ZFYVE28: variants seen among roughly 807,000 people sequenced by gnomAD.
ZFYVE28 encodes zinc finger FYVE-type containing 28, also known as lateral signaling target protein 2 homolog.
ZFYVE28 carries 40 observed loss-of-function variants against 82.1 expected under a neutral mutation model. The ratio of observed to expected loss-of-function variants is 0.49; its 90% CI spans 0.38 to 0.63. ZFYVE28 has a LOEUF of 0.63. Among genes scored for constraint, ZFYVE28 ranks in the 30% least tolerant of loss-of-function variants. The pLI, the probability that ZFYVE28 is intolerant of heterozygous loss-of-function variation, is 0.00. For synonymous variants in ZFYVE28, 612 were observed against 546.1 expected (o/e 1.12, Z -1.68); for missense variants, 1,321 against 1,242.1 (o/e 1.06, Z -0.96).
chr4:2,401,815 G>A (rs868362959), intron 1 of ZFYVE28, among the ~76,000 whole-genome samples: 15 of 152,156 alleles, frequency 9.9e-5, no homozygotes, highest in South Asian at 4.1e-4. Flanking sequence ...CAAAACCCTC[G>A]GGGGTCCCAG....
At chr4:2,290,138 C>T (rs1176898816) in intron 8 of ZFYVE28, among the ~76,000 whole-genome samples, 2 of 152,196 alleles carry the variant, frequency 1.3e-5, no homozygotes, top group African/African-American at 2.4e-5. Flanking sequence ...GCCTGTGCCC[C>T]AGGGGACTCA....
chr4:2,295,646 C>G (rs529867963), intron 8 of ZFYVE28: 1 of 153,060 alleles, frequency 6.5e-6, no homozygotes, highest in African/African-American at 2.4e-5. Context: ...CCCCTCTGCT[C>G]CTTCCCAGCA....
In ZFYVE28 at chr4:2,335,038, T is replaced by C. The variant is rs1578140612; in HGVS notation, c.701+667A>G. Among the ~76,000 whole-genome samples, 1 of 150,816 alleles carries C rather than the reference T, an allele frequency of 6.6e-6. No homozygotes were observed. Among genetic ancestry groups the C allele is most frequent in the East Asian group, 2.0e-4 (1 of 5,084 alleles). On this transcript the variant is annotated intron_variant, in intron 6 of 12. Transcript: ENST00000290974. This position sits in a 1 kb window ranked among gnomAD's most constrained non-coding sequence, Gnocchi z 5.8. ...AGACAGCTCAGAGACGCTAAGCAGG[T>C]GACCCCGCGCATCCTGCCTCGGTGG... is the stretch of plus-strand genomic sequence containing the variant.
At chr4:2,283,184 C>T (rs1032105928) in intron 8 of ZFYVE28, among the ~76,000 whole-genome samples, 2 of 150,720 alleles carry the variant, frequency 1.3e-5, no homozygotes, top group Non-Finnish European at 3.0e-5. Flanking sequence ...ATCCATTCAT[C>T]TACCCATCCA....
Position 2,337,429 on chromosome 4 carries a change from G to C in ZFYVE28, c.589C>G (p.Leu197Val), listed in dbSNP as rs1468354057. The C allele has an allele frequency of 6.2e-7, 1 of 1,609,476 alleles. No homozygotes were observed. Among genetic ancestry groups the C allele is most frequent in the Non-Finnish European group, 8.5e-7 (1 of 1,177,664 alleles). The stretch of plus-strand genomic sequence containing the variant: ...CACCTCTCCACCGTCTCGCAGAAGA[G>C]CACGATGACCTCCTGCTGCACGTAG... ...EYYVQQEVIV[L>V]FCETVERALD... The change falls in exon 5 of 13, where the codon CTC becomes GTC. Residue 197 changes from leucine to valine, a missense_variant. This residue lies in a region of ZFYVE28 where 343 missense variants were observed against 408.4 expected (regional missense o/e 0.84). Transcript: ENST00000290974.
At chr4:2,382,522 AT>A (rs1271223548) in intron 1 of ZFYVE28, among the ~76,000 whole-genome samples, 3 of 152,302 alleles carry the variant, frequency 2.0e-5, no homozygotes, top group African/African-American at 7.2e-5. Context: ...GTCCCGCTGG[AT>A]TTCGGACTTG....
intron 2 of ZFYVE28, among the ~76,000 whole-genome samples, chr4:2,346,670 T>C (rs1723649308): frequency 6.6e-6 from 1 of 152,174 alleles, no homozygotes; most frequent in South Asian, 2.1e-4. Flanking sequence ...AATTGTACAA[T>C]GTCATTTGAA....
rs1405976327 is a variant in ZFYVE28, at chr4:2,408,928, GT to G, written c.39+9356del. 6.6e-6 allele frequency among the ~76,000 whole-genome samples: 1 copy of G among 152,156 alleles called. No individual in the cohort carries two copies. The highest frequency in any genetic ancestry group is 1.5e-5 in the Non-Finnish European group (1 of 68,022). On this transcript the variant is annotated intron_variant, in intron 1 of 12. Transcript: ENST00000290974. The surrounding 1 kb of genome is among the most constrained non-coding windows in gnomAD (Gnocchi z 4.3). ...GACCTTCCCATGCACTCAGCTTTAG[GT>G]TTTAGTTTCCTCTTATTTCTGGCAC...
chr4:2,364,405 C>T, intron 1 of ZFYVE28: 3 of 980,702 alleles, frequency 3.1e-6, no homozygotes, highest in Non-Finnish European at 3.6e-6. Flanking sequence ...GCACAGCCCC[C>T]CACCTCTCCA....
Position 2,417,599 on chromosome 4 carries a change from G to T in ZFYVE28, c.39+686C>A, listed in dbSNP as rs1363885601. Among the ~76,000 whole-genome samples the T allele has an allele frequency of 6.6e-6, 1 of 152,104 alleles. No homozygotes were observed. The highest frequency in any genetic ancestry group is 2.4e-5 in the African/African-American group (1 of 41,450). ...CTGTCCCGGATTCCAGAGGACGTGG[G>T]TGGGGAAGGGACAAGGATAGGGACA... On this transcript the variant is annotated intron_variant, in intron 1 of 12. Coordinates refer to ENST00000290974, the MANE Select transcript of ZFYVE28 (RefSeq NM_020972.3). The surrounding 1 kb of genome is among the most constrained non-coding windows in gnomAD (Gnocchi z 4.8).
At chr4:2,375,783 G>A (rs1728067240) in intron 1 of ZFYVE28, among the ~76,000 whole-genome samples, 1 of 152,202 alleles carries the variant, frequency 6.6e-6, no homozygotes, top group African/African-American at 2.4e-5. Context: ...CATGTGGGGC[G>A]ATTGGAGCCC....
chr4:2,305,700 C>A (rs1366084152), intron 7 of ZFYVE28, among the ~76,000 whole-genome samples, 164 bp from the exon 8 acceptor site: 1 of 152,256 alleles, frequency 6.6e-6, no homozygotes, highest in Admixed American at 6.5e-5. Context: ...TCCTCCACCA[C>A]GGAACAAGGC....
chr4:2,368,224 A>C (rs887537697), intron 1 of ZFYVE28, among the ~76,000 whole-genome samples: 1 of 150,956 alleles, frequency 6.6e-6, no homozygotes, highest in Non-Finnish European at 1.5e-5. Flanking sequence ...AAAAAAAAAA[A>C]AAAAAACACT....
chr4:2,313,334 C>T (rs1717756737), intron 7 of ZFYVE28, among the ~76,000 whole-genome samples: 1 of 152,014 alleles, frequency 6.6e-6, no homozygotes, highest in African/African-American at 2.4e-5. Context: ...GACCTTAGCT[C>T]ATTGCAACTT....
chr4:2,324,531 T>A (rs1436067792), intron 6 of ZFYVE28: 2 of 184,958 alleles, frequency 1.1e-5, no homozygotes, highest in African/African-American at 2.4e-5. Flanking sequence ...GGTACTGAGG[T>A]AACATTCAAC....
chr4:2,302,792 C>T (rs188247370), intron 8 of ZFYVE28, among the ~76,000 whole-genome samples: 157 of 152,366 alleles, frequency 1.0e-3, no homozygotes, highest in African/African-American at 3.3e-3. Flanking sequence ...AAAGGAACGG[C>T]GTGTTGCCGT....
rs1241880663 is a variant in ZFYVE28 at position 2,372,508 on chromosome 4, G to A, written c.40-18435C>T. ...TCTGCCTGGACGTCACCATCATCGA[G>A]GCCTCCTAGCCCCTCCAGCACGGCA... On this transcript the variant is annotated intron_variant, in intron 1 of 12. Transcript: ENST00000290974. The surrounding 1 kb of genome is among the most constrained non-coding windows in gnomAD (Gnocchi z 5.2). Among the ~76,000 whole-genome samples, 1 of 152,070 alleles carries A rather than the reference G, an allele frequency of 6.6e-6. No homozygotes were observed. The highest frequency in any genetic ancestry group is 1.5e-5 in the Non-Finnish European group (1 of 68,002).
intron 6 of ZFYVE28, among the ~76,000 whole-genome samples, chr4:2,326,430 TA>T (rs1312728471): frequency 3.3e-5 from 5 of 152,254 alleles, no homozygotes; most frequent in African/African-American, 1.2e-4. Context: ...TAAGCTGTTT[TA>T]AAATTACTAT....
In ZFYVE28 at chr4:2,408,396, G is replaced by A. The variant is rs1732151721; in HGVS notation, c.39+9889C>T. On this transcript the variant is annotated intron_variant, in intron 1 of 12. Transcript: ENST00000290974. The surrounding 1 kb of genome is among the most constrained non-coding windows in gnomAD (Gnocchi z 4.3). Reference sequence around the variant, plus strand: ...CTGGCCCTATGGACACTGTGGAGGTGATGCCATGTGACTTCCAGGCTGGGC... The same window carrying A: ...CTGGCCCTATGGACACTGTGGAGGTAATGCCATGTGACTTCCAGGCTGGGC... Among the ~76,000 whole-genome samples, 1 of 151,980 alleles carries A rather than the reference G, an allele frequency of 6.6e-6. No homozygotes were observed. Among genetic ancestry groups the A allele is most frequent in the Non-Finnish European group, 1.5e-5 (1 of 68,002 alleles).
Sources: gnomAD v4.1 joint callset for allele counts (sites outside exome capture counted in the v4.1 genomes callset) on GRCh38, gnomAD v4.1.1 for gene constraint, gnomAD v4.1.1 regional missense constraint, Gnocchi (gnomAD v3.1) non-coding constraint, MANE v1.5 for transcripts, NCBI Gene and HGNC (gene_info 2026-07-23, HGNC 2026-07-21) for gene names.